FAM81A: variants seen among roughly 807,000 people sequenced by gnomAD.
FAM81A encodes the protein protein FAM81A.
Under a neutral mutation model 46.7 loss-of-function variants are expected in FAM81A, and 19 were observed. That is an observed-to-expected ratio of 0.41 (90% CI 0.28 to 0.60). FAM81A has a LOEUF of 0.60. FAM81A is among the 20% of genes least tolerant of loss of function. The probability of loss-of-function intolerance (pLI) is 0.34; values close to 1 mark genes in which losing one functional copy is unlikely to be tolerated. For missense variants in FAM81A, 377 were observed against 453.5 expected (o/e 0.83, Z 1.53); for synonymous variants, 183 against 152.9 (o/e 1.20, Z -1.45).
At chr15:59,491,790 A>T (rs1310996156) in intron 3 of FAM81A, among the ~76,000 whole-genome samples, 6 of 151,820 alleles carry the variant, frequency 4.0e-5, no homozygotes, top group African/African-American at 9.7e-5. Flanking sequence ...ACTAACACAA[A>T]CTCCGTCTCT....
At chr15:59,421,996 A>G (rs1217841349) in intron 2 of FAM81A, among the ~76,000 whole-genome samples, 4 of 152,132 alleles carry the variant, frequency 2.6e-5, no homozygotes, top group African/African-American at 9.7e-5. Context: ...TCATATGGCC[A>G]TATCTTTTAA....
At chr15:59,512,890 C>G (rs1368078767) in intron 6 of FAM81A, among the ~76,000 whole-genome samples, 1 of 152,216 alleles carries the variant, frequency 6.6e-6, no homozygotes, top group African/African-American at 2.4e-5. Flanking sequence ...TTTGATGCAT[C>G]ATGAGGCTAT....
intron 5 of FAM81A, among the ~76,000 whole-genome samples, chr15:59,507,608 C>T (rs1369662925): frequency 6.6e-6 from 1 of 152,128 alleles, no homozygotes; most frequent in South Asian, 2.1e-4. Flanking sequence ...TAATACATTC[C>T]AGAAATTCTA....
At chr15:59,480,755 C>G (rs371301558) in intron 3 of FAM81A, among the ~76,000 whole-genome samples, 1 of 152,070 alleles carries the variant, frequency 6.6e-6, no homozygotes, top group African/African-American at 2.4e-5. Flanking sequence ...CCATATATAA[C>G]GATATAATCT....
intron 4 of FAM81A, among the ~76,000 whole-genome samples, chr15:59,506,807 T>C (rs181311914): frequency 1.2e-4 from 18 of 152,346 alleles, no homozygotes; most frequent in African/African-American, 4.1e-4. Flanking sequence ...AGTCAAAGTT[T>C]AGAAGTAATA....
At chr15:59,405,967 T>C (rs1282700607) in intron 2 of FAM81A, among the ~76,000 whole-genome samples, 2 of 152,188 alleles carry the variant, frequency 1.3e-5, no homozygotes, top group Non-Finnish European at 1.5e-5. Flanking sequence ...TCCTGCAGTC[T>C]GCCACTCGCT....
chr15:59,471,381 TG>T (rs1180501284), intron 3 of FAM81A, among the ~76,000 whole-genome samples: 4 of 152,242 alleles, frequency 2.6e-5, no homozygotes, highest in African/African-American at 9.6e-5. Context: ...CTGTGTCTCT[TG>T]TAATGTTTCT....
intron 4 of FAM81A, among the ~76,000 whole-genome samples, chr15:59,502,017 A>C (rs1473544018): frequency 3.3e-5 from 5 of 151,866 alleles, no homozygotes; most frequent in Non-Finnish European, 7.4e-5. Flanking sequence ...TTTTATTTTG[A>C]AATAATTTTA....
intron 2 of FAM81A, among the ~76,000 whole-genome samples, chr15:59,432,661 C>A (rs1039987679): frequency 6.6e-6 from 1 of 152,096 alleles, no homozygotes; most frequent in African/African-American, 2.4e-5. Flanking sequence ...TAAGTTTATT[C>A]ATAAGCTGTT....
At chr15:59,512,882 T>G (rs971967875) in intron 6 of FAM81A, among the ~76,000 whole-genome samples, 1 of 152,220 alleles carries the variant, frequency 6.6e-6, no homozygotes, top group Admixed American at 6.5e-5. Context: ...CTTATGACTT[T>G]GATGCATCAT....
intron 6 of FAM81A, among the ~76,000 whole-genome samples, chr15:59,511,347 T>A (rs1365926021): frequency 6.6e-6 from 1 of 152,230 alleles, no homozygotes; most frequent in African/African-American, 2.4e-5. Context: ...TGAATAACTT[T>A]AGACTTTGAT....
chr15:59,470,645 A>G (rs1179540300), intron 3 of FAM81A, among the ~76,000 whole-genome samples: 3 of 152,128 alleles, frequency 2.0e-5, no homozygotes, highest in African/African-American at 4.8e-5. Context: ...GCAATGGGTT[A>G]GAACATGCTC....
At chr15:59,441,919 T>A (rs1381405956) in intron 1 of FAM81A, among the ~76,000 whole-genome samples, 3 of 152,200 alleles carry the variant, frequency 2.0e-5, no homozygotes, top group African/African-American at 7.2e-5. Flanking sequence ...CTGGGCACTT[T>A]CCCCGCGCCT....
At chr15:59,427,910 G>C (rs1319250365) in intron 2 of FAM81A, among the ~76,000 whole-genome samples, 3 of 152,156 alleles carry the variant, frequency 2.0e-5, no homozygotes, top group African/African-American at 7.2e-5. Flanking sequence ...CCTTTCTTTT[G>C]GGTATGTATC....
rs553340105 is a variant in FAM81A, at chr15:59,512,916, A to T, written c.651-1373A>T. Among the ~76,000 whole-genome samples, 17 of 152,326 alleles carry T rather than the reference A, an allele frequency of 1.1e-4. 1 individual carries two copies. The South Asian group carries it at 3.5e-3, about 32-fold the overall frequency. ...ATGAGGCTATATCTCGCTGCAAGGG[A>T]TCCTGGGAAATGTGGTCTCTGGCTA... On this transcript the variant is annotated intron_variant, in intron 6 of 8. Coordinates refer to ENST00000288228, the MANE Select transcript of FAM81A (RefSeq NM_152450.3).
chr15:59,480,559 T>A (rs1244591110), intron 3 of FAM81A, among the ~76,000 whole-genome samples: 1 of 152,198 alleles, frequency 6.6e-6, no homozygotes, highest in East Asian at 1.9e-4. Context: ...GGTGGCTAGC[T>A]TCTGCTCCGT....
At chr15:59,431,850 G>T (rs745349900) in intron 2 of FAM81A, among the ~76,000 whole-genome samples, 3 of 152,198 alleles carry the variant, frequency 2.0e-5, no homozygotes, top group Admixed American at 6.5e-5. Context: ...CTACAGTGAT[G>T]AAAACCTACT....
intron 1 of FAM81A, chr15:59,401,984 A>G (rs941134994): frequency 8.8e-6 from 6 of 685,608 alleles, no homozygotes; most frequent in Non-Finnish European, 1.6e-5. Context: ...AGTGTAATTC[A>G]ATATATTTGT....
intron 1 of FAM81A, among the ~76,000 whole-genome samples, chr15:59,452,902 G>A (rs564038662): frequency 1.3e-5 from 2 of 152,138 alleles, no homozygotes; most frequent in African/African-American, 2.4e-5. Context: ...AGCTGGGACT[G>A]CAGGCATACA....
Sources: allele counts gnomAD v4.1 joint callset (sites outside exome capture counted in the v4.1 genomes callset), GRCh38; gene constraint gnomAD v4.1.1; transcripts MANE v1.5; gene names NCBI Gene and HGNC (gene_info 2026-07-23, HGNC 2026-07-21).